WDR27: variants seen among roughly 807,000 people sequenced by gnomAD.
WDR27 encodes the protein WD repeat domain 27.
A neutral mutation model predicts 114.4 loss-of-function variants in WDR27; 100 were observed. The observed-to-expected ratio is 0.87, with a 90% CI of 0.74 to 1.03. The LOEUF (loss-of-function observed/expected upper bound fraction) is 1.03. Ranked by LOEUF, WDR27 falls within the 50% of genes least tolerant of loss-of-function variation. The pLI, the probability that WDR27 is intolerant of heterozygous loss-of-function variation, is 0.00. For missense variants in WDR27, 1,129 were observed against 1,092.9 expected, an observed-to-expected ratio of 1.03 and a Z score of -0.47; for synonymous variants, 449 against 423.1, an observed-to-expected ratio of 1.06 and a Z score of -0.75.
At position 169,613,659 on chromosome 6, in the gene WDR27, A is replaced by G. The variant is rs780487337; in HGVS notation, c.2224-3T>C. On this transcript the variant is annotated splice_polypyrimidine_tract_variant and splice_region_variant and intron_variant, in intron 21 of 25. Coordinates refer to ENST00000448612, the MANE Select transcript of WDR27 (RefSeq NM_182552.5). ...TGTTGGGTTGTAAATGATGAACCCTATAATTTTAAGGGGGAAATCAAGATG... is the reference window on the plus strand; with the variant it reads ...TGTTGGGTTGTAAATGATGAACCCTGTAATTTTAAGGGGGAAATCAAGATG... 156 of 1,609,340 alleles carry G rather than the reference A, an allele frequency of 9.7e-5. No homozygotes were observed. Among genetic ancestry groups the G allele is most frequent in the Non-Finnish European group, 4.7e-5 (55 of 1,176,180 alleles).
In WDR27 at chr6:169,457,631, C is replaced by T. The variant is rs1486836949; in HGVS notation, c.2649G>A (p.Leu883=). 1 of 1,551,478 alleles carries T rather than the reference C, an allele frequency of 6.4e-7. No homozygotes were observed. The highest frequency in any genetic ancestry group is 2.0e-5 in the Admixed American group (1 of 51,008). ...AGTTTACCATCCAAGGTAGCTGTGGCAAGCTGTAATTGAAAATAAAATACC... is the reference window on the plus strand; with the variant it reads ...AGTTTACCATCCAAGGTAGCTGTGGTAAGCTGTAATTGAAAATAAAATACC... The part of the protein sequence containing the change: ...LSLPSSWDYS[L]PQLPWMVNSS... Residue 883 remains leucine (L), a synonymous_variant, in exon 26 of 26, where the codon TTG becomes TTA. Coordinates refer to ENST00000448612, the MANE Select transcript of WDR27 (RefSeq NM_182552.5).
intron 1 of WDR27, among the ~76,000 whole-genome samples, chr6:169,696,160 T>C (rs554357346): frequency 2.6e-5 from 4 of 152,302 alleles, no homozygotes; most frequent in East Asian, 1.9e-4. Context: ...AAATGAAAAC[T>C]GTAGAAACGA....
At position 169,638,176 on chromosome 6, in the gene WDR27, C is replaced by T. The variant is rs935904520; in HGVS notation, c.1869+363G>A. 5.0e-5 allele frequency among the ~76,000 whole-genome samples: 6 copies of T among 121,112 alleles called. 2 individuals carry two copies. The highest frequency in any genetic ancestry group is 9.9e-5 in the Non-Finnish European group (6 of 60,610). The allele number at this position is 121,112 out of a possible 152,430, so 79.5% of individuals were successfully genotyped here. A position where few individuals can be genotyped will look rare whatever the true frequency, so the allele number is the denominator to read the frequency against. On this transcript the variant is annotated intron_variant, in intron 18 of 25. Transcript: ENST00000448612. ...CTAAAAATACAAAAAATTAGCCGGG[C>T]GCGGTGGCGGGCGCCTGTAGTCCCA...
At chr6:169,672,194 A>G in intron 3 of WDR27, 61 bp downstream of exon 3, 1 of 1,564,214 alleles carries the variant, frequency 6.4e-7, no homozygotes, top group Non-Finnish European at 8.7e-7. Context: ...TACCAAGTAT[A>G]CTGAAGGATG....
intron 25 of WDR27, among the ~76,000 whole-genome samples, chr6:169,552,127 C>A (rs1344427612): frequency 6.6e-6 from 1 of 152,174 alleles, no homozygotes; most frequent in Non-Finnish European, 1.5e-5. Context: ...GTCCTGCTGA[C>A]CCAAGCATCC....
intron 25 of WDR27, among the ~76,000 whole-genome samples, chr6:169,490,043 C>T (rs555083066): frequency 6.6e-6 from 1 of 152,214 alleles, no homozygotes; most frequent in Admixed American, 6.5e-5. Context: ...CCACAGGGGT[C>T]GCTCCTGAAC....
intron 25 of WDR27, among the ~76,000 whole-genome samples, chr6:169,483,726 C>G (rs1325840934): frequency 1.3e-5 from 2 of 151,606 alleles, no homozygotes; most frequent in Non-Finnish European, 2.9e-5. Flanking sequence ...CACACACACA[C>G]AGAAAACTTC....
chr6:169,521,861 CAAAG>C (rs993328810), intron 25 of WDR27, among the ~76,000 whole-genome samples: 1 of 151,346 alleles, frequency 6.6e-6, no homozygotes, highest in Admixed American at 6.6e-5. Context: ...CACTTAAACA[CAAAG>C]GAAGACAGAA....
intron 14 of WDR27, 49 bp downstream of exon 14, chr6:169,651,881 T>G: frequency 6.5e-7 from 1 of 1,531,804 alleles, no homozygotes. Flanking sequence ...AAATCCTGCA[T>G]CTGTGACGCA....
At position 169,681,306 on chromosome 6, in the gene WDR27, G is replaced by A. The variant is rs115570478; in HGVS notation, c.189+7511C>T. On this transcript the variant is annotated intron_variant, in intron 2 of 25. Coordinates refer to ENST00000448612, the MANE Select transcript of WDR27 (RefSeq NM_182552.5). ...CGGACATCACCAAGCTGGTGAAATA[G>A]AAGCTAACCCACTCATATCTCCCGA... Among the ~76,000 whole-genome samples the A allele has an allele frequency of 8.5e-3, 1,290 of 152,320 alleles. 13 individuals carry two copies. The highest frequency in any genetic ancestry group is 0.029 in the African/African-American group (1,215 of 41,558).
intron 25 of WDR27, among the ~76,000 whole-genome samples, chr6:169,542,300 T>G (rs1248036747): frequency 1.3e-5 from 2 of 152,162 alleles, no homozygotes; most frequent in Non-Finnish European, 2.9e-5. Context: ...CTTAGCCAGT[T>G]ATTAAATTAA....
chr6:169,469,638 T>C (rs993795718), intron 25 of WDR27, among the ~76,000 whole-genome samples: 1 of 152,346 alleles, frequency 6.6e-6, no homozygotes, highest in Non-Finnish European at 1.5e-5. Context: ...TGCTCACCAC[T>C]GAATCATCTT....
At chr6:169,552,554 TAA>T (rs1368562014) in intron 25 of WDR27, among the ~76,000 whole-genome samples, 3 of 152,104 alleles carry the variant, frequency 2.0e-5, no homozygotes, top group Admixed American at 6.5e-5. Context: ...AAACTAGCAA[TAA>T]AAGAGGTGAA....
At chr6:169,453,099 C>G (rs950159671), downstream of WDR27, among the ~76,000 whole-genome samples, 2 of 152,184 alleles carry the variant, frequency 1.3e-5, no homozygotes, top group African/African-American at 4.8e-5. Context: ...ACACTTGCTT[C>G]AAAAAGTAAG....
At position 169,688,954 on chromosome 6, in the gene WDR27, T is replaced by C; in HGVS notation, c.52A>G (p.Ile18Val). 1 of 1,613,818 alleles carries C rather than the reference T, an allele frequency of 6.2e-7. No individual in the cohort carries two copies. The highest frequency in any genetic ancestry group is 8.5e-7 in the Non-Finnish European group (1 of 1,179,824). Residue 18 changes from isoleucine (I) to valine (V), a missense_variant, in exon 2 of 26, where the codon ATA (isoleucine) becomes GTA (valine). Coordinates refer to ENST00000448612, the MANE Select transcript of WDR27 (RefSeq NM_182552.5). ...FSSNGGCLSDIVIEKYLVESK... is the reference protein window; with the variant it reads ...FSSNGGCLSDVVIEKYLVESK... ...TCAACCAGGTATTTTTCTATAACTA[T>C]ATCACTTAGACAGCCACCATTACTT...
intron 19 of WDR27, 53 bp from the exon 20 acceptor site, chr6:169,634,578 T>A: frequency 9.0e-7 from 1 of 1,110,794 alleles, no homozygotes; most frequent in Non-Finnish European, 1.3e-6. Context: ...CTGCTACAAC[T>A]AAACACCTTA....
At chr6:169,588,348 A>G (rs567262923) in intron 23 of WDR27, among the ~76,000 whole-genome samples, 6 of 152,376 alleles carry the variant, frequency 3.9e-5, no homozygotes, top group African/African-American at 1.2e-4. Context: ...AGATGTGTGT[A>G]TATTTTATGA....
At chr6:169,567,161 G>A (rs190043895) in intron 25 of WDR27, among the ~76,000 whole-genome samples, 46 of 152,310 alleles carry the variant, frequency 3.0e-4, no homozygotes, top group African/African-American at 7.2e-4. Context: ...CACCTGGGGT[G>A]ATCGGTGCTG....
intron 13 of WDR27, among the ~76,000 whole-genome samples, chr6:169,654,856 C>A (rs929539924): frequency 6.6e-6 from 1 of 152,010 alleles, no homozygotes; most frequent in Non-Finnish European, 1.5e-5. Context: ...GAGGAGGAGC[C>A]CCGTTCAGAA....
Sources: allele counts gnomAD v4.1 joint callset (sites outside exome capture counted in the v4.1 genomes callset), GRCh38; gene constraint gnomAD v4.1.1; transcripts MANE v1.5; gene names NCBI Gene and HGNC (gene_info 2026-07-23, HGNC 2026-07-21).